The following MEF2B variants were observed in gnomAD, a reference collection of about 807,000 sequenced individuals.
The protein encoded by MEF2B is myocyte-specific enhancer factor 2B.
In MEF2B, 15 loss-of-function variants were observed where a neutral mutation model predicts 32.2. The observed-to-expected ratio is 0.47, with a 90% CI of 0.31 to 0.72. The LOEUF (loss-of-function observed/expected upper bound fraction) is 0.72. MEF2B is among the 30% of genes least tolerant of loss of function. MEF2B has a pLI of 0.05. For synonymous variants in MEF2B, 205 were observed against 225.6 expected (o/e 0.91, Z 0.82); for missense variants, 441 against 511.5 (o/e 0.86, Z 1.33).
intron 3 of MEF2B, among the ~76,000 whole-genome samples, 158 bp from the exon 4 acceptor site, chr19:19,147,990 G>A (rs76823712): frequency 2.6e-5 from 4 of 152,216 alleles, no homozygotes; most frequent in African/African-American, 4.8e-5. Context: ...ACCAAACCCC[G>A]GTGAGTTACC....
intron 8 of MEF2B, 119 bp from the exon 9 acceptor site, chr19:19,146,141 G>A: frequency 1.0e-6 from 1 of 966,856 alleles, no homozygotes; most frequent in Non-Finnish European, 1.4e-6. Flanking sequence ...GGGGGTGGCG[G>A]TCCCTCTTGG....
In MEF2B at chr19:19,146,741, C is replaced by T. The variant is rs2146350778; in HGVS notation, c.675+1G>A. ...CCCTGCCACACCCTCCCCTCACTCACGGAGGTGTTTAGTCCCCCTCGGGGC... is the reference window on the plus strand; with the variant it reads ...CCCTGCCACACCCTCCCCTCACTCATGGAGGTGTTTAGTCCCCCTCGGGGC... On this transcript the variant is annotated splice_donor_variant, in intron 6 of 8. Coordinates refer to ENST00000424583, the MANE Select transcript of MEF2B (RefSeq NM_001145785.2). LOFTEE classifies it high-confidence loss of function. The T allele has an allele frequency of 6.2e-7, 1 of 1,614,054 alleles. No homozygotes were observed. The highest frequency in any genetic ancestry group is 8.5e-7 in the Non-Finnish European group (1 of 1,179,958).
chr19:19,146,289 C>T lies in MEF2B; in HGVS notation c.865G>A (p.Val289Met), dbSNP rs747771599. 2.3e-6 allele frequency: 3 copies of T among 1,306,004 alleles called. No homozygotes were observed. Among genetic ancestry groups the T allele is most frequent in the Non-Finnish European group, 2.9e-6 (3 of 1,020,408 alleles). The allele number at this position is 1,306,004 out of a possible 1,614,324, so 80.9% of individuals were successfully genotyped here. A position where few individuals can be genotyped will look rare whatever the true frequency, so the allele number is the denominator to read the frequency against. ...QPSRGDGPPA[V>M]SSQPSGGRSL... is the part of the protein sequence containing the mutation. ...GGCACTTACCTGGGCTGGGAGGACA[C>T]GGCGGGGGGCCCATCACCCCTCGAG... is the stretch of plus-strand genomic sequence containing the variant. The change falls in exon 8 of 9, where the codon GTG becomes ATG. Residue 289 changes from valine to methionine, a missense_variant. Val to Met is a conservative substitution (Grantham distance 21). Transcript: ENST00000424583.
chr19:19,157,321 A>C (rs1489890286), intron 1 of MEF2B: 1 of 152,910 alleles, frequency 6.5e-6, no homozygotes. Context: ...ACAGCTTCAT[A>C]CATCATTGCC....
intron 1 of MEF2B, among the ~76,000 whole-genome samples, chr19:19,168,871 AAAC>A (rs1224802131): frequency 6.6e-6 from 1 of 150,866 alleles, no homozygotes; most frequent in Non-Finnish European, 1.5e-5. Flanking sequence ...AAACATGGTG[AAAC>A]AACGTCTCTA....
intron 1 of MEF2B, among the ~76,000 whole-genome samples, chr19:19,163,924 C>T (rs1307422881): frequency 6.6e-6 from 1 of 152,138 alleles, no homozygotes; most frequent in Non-Finnish European, 1.5e-5. Flanking sequence ...CTGCCTTGGC[C>T]TCCCAAAGTT....
chr19:19,156,959 C>G (rs1469225190), intron 1 of MEF2B: 2 of 154,102 alleles, frequency 1.3e-5, no homozygotes, highest in Non-Finnish European at 2.9e-5. Flanking sequence ...GGAGACCAGC[C>G]TGGGCAACAC....
intron 1 of MEF2B, among the ~76,000 whole-genome samples, chr19:19,158,685 G>T (rs992863291): frequency 6.6e-6 from 1 of 151,862 alleles, no homozygotes; most frequent in East Asian, 2.0e-4. Flanking sequence ...TTGAGCCCAG[G>T]AGGTGGAGGT....
intron 1 of MEF2B, 54 bp downstream of exon 1, chr19:19,170,151 C>T (rs942991394): frequency 3.4e-4 from 136 of 398,438 alleles, no homozygotes; most frequent in Non-Finnish European, 5.5e-4. Context: ...CCACCCAGCC[C>T]GCAGAAGCCG....
At chr19:19,159,766 GAT>G (rs2060145535) in intron 1 of MEF2B, among the ~76,000 whole-genome samples, 1 of 152,236 alleles carries the variant, frequency 6.6e-6, no homozygotes, top group South Asian at 2.1e-4. Context: ...TCAAGCCATA[GAT>G]TATCATCTCC....
chr19:19,158,245 G>A (rs1195498269), intron 1 of MEF2B, among the ~76,000 whole-genome samples: 2 of 151,478 alleles, frequency 1.3e-5, no homozygotes. Context: ...CTGCCACTGT[G>A]CCCGGCTAAT....
chr19:19,157,636 T>C (rs1445563701), intron 1 of MEF2B, among the ~76,000 whole-genome samples: 1 of 152,052 alleles, frequency 6.6e-6, no homozygotes, highest in Non-Finnish European at 1.5e-5. Context: ...TCACTGGAGG[T>C]CAGGAGTTTG....
rs557586872 is a variant in MEF2B at position 19,152,365 on chromosome 19, A to C, written c.-29-1601T>G. The stretch of plus-strand genomic sequence containing the variant: ...CACTGCACTCCAGCCTGGGTGATAG[A>C]GCAAGACTCTGTCTCAAAAAAAAAA... On this transcript the variant is annotated intron_variant, in intron 1 of 8. Coordinates refer to ENST00000424583, the MANE Select transcript of MEF2B (RefSeq NM_001145785.2). 5.3e-4 allele frequency among the ~76,000 whole-genome samples: 74 copies of C among 140,740 alleles called. 1 individual carries two copies. The highest frequency in any genetic ancestry group is 8.7e-4 in the Non-Finnish European group (57 of 65,776). 92.3% of individuals were successfully genotyped at this position (140,740 alleles called of 152,430 possible). A position where few individuals can be genotyped will look rare whatever the true frequency, so the allele number is the denominator to read the frequency against.
intron 1 of MEF2B, among the ~76,000 whole-genome samples, chr19:19,153,697 T>G (rs2060100465): frequency 6.6e-6 from 1 of 152,134 alleles, no homozygotes. Flanking sequence ...CCTCAAGTGA[T>G]CTGCCCGCCT....
rs754049823 is a variant in MEF2B at position 19,149,400 on chromosome 19, C to T, written c.84G>A (p.Leu28=). The change falls in exon 3 of 9, where the codon CTG becomes CTA. Residue 28 remains leucine (L), a synonymous_variant. Coordinates refer to ENST00000424583, the MANE Select transcript of MEF2B (RefSeq NM_001145785.2). ...QVTFTKRKFG[L]MKKAYELSVL... is the part of the protein sequence containing the mutation. ...CGCTCAGCTCATAGGCCTTCTTCAT[C>T]AGCCCGAACTTCCGCTTGGTGAACG... The T allele has an allele frequency of 6.2e-7, 1 of 1,614,062 alleles. No homozygotes were observed. The highest frequency in any genetic ancestry group is 1.1e-5 in the South Asian group (1 of 91,076).
At chr19:19,168,882 C>G (rs922833827) in intron 1 of MEF2B, among the ~76,000 whole-genome samples, 9 of 150,040 alleles carry the variant, frequency 6.0e-5, no homozygotes, top group East Asian at 2.0e-4. Flanking sequence ...AACAACGTCT[C>G]TACAAAAAAT....
At chr19:19,154,546 C>T (rs2060107569) in intron 1 of MEF2B, among the ~76,000 whole-genome samples, 2 of 152,048 alleles carry the variant, frequency 1.3e-5, no homozygotes, top group Admixed American at 6.6e-5. Context: ...CGGGTTCAAG[C>T]GATTCTCCTG....
rs373770734 is a variant in MEF2B at position 19,146,822 on chromosome 19, G to C, written c.595C>G (p.Pro199Ala). 23 of 1,613,800 alleles carry C rather than the reference G, an allele frequency of 1.4e-5. No individual in the cohort carries two copies. The African/African-American group carries it at 2.7e-4, about 19-fold the overall frequency. The change falls in exon 6 of 9, where the codon CCA becomes GCA. Residue 199 changes from proline (P) to alanine (A), a missense_variant. Physicochemically the swap from Pro to Ala is conservative, Grantham distance 27. Around this residue, in one of 2 missense-constraint regions of MEF2B, gnomAD observed 326 missense variants for 328.4 expected, o/e 0.99. Coordinates refer to ENST00000424583, the MANE Select transcript of MEF2B (RefSeq NM_001145785.2). ...CGCCCTTCCGTCGGCAGGTACAGTG[G>C]GGGTGGTGTCTTGCTGGTGAGGTGG... ...PSHLTSKTPP[P>A]LYLPTEGRRS...
At chr19:19,169,981 G>A (rs908687094) in intron 1 of MEF2B, among the ~76,000 whole-genome samples, 18 of 151,988 alleles carry the variant, frequency 1.2e-4, no homozygotes, top group Admixed American at 8.5e-4. Flanking sequence ...CAGAGCCCTT[G>A]GACACACAAC....
Sources: allele counts gnomAD v4.1 joint callset (sites outside exome capture counted in the v4.1 genomes callset), GRCh38; gene constraint gnomAD v4.1.1; regional missense constraint gnomAD v4.1.1; transcripts MANE v1.5; gene names NCBI Gene and HGNC (gene_info 2026-07-23, HGNC 2026-07-21).